The following GALNT7 variants were observed in gnomAD, a reference collection of about 807,000 sequenced individuals.
GALNT7 encodes polypeptide N-acetylgalactosaminyltransferase 7, also known as N-acetylgalactosaminyltransferase 7.
A neutral mutation model predicts 82.1 loss-of-function variants in GALNT7; 60 were observed. The ratio of observed to expected loss-of-function variants is 0.73; its 90% CI spans 0.59 to 0.91. The LOEUF (loss-of-function observed/expected upper bound fraction) is 0.91, where lower values mean the gene tolerates loss of function less well. Ranked by LOEUF, GALNT7 falls within the 40% of genes least tolerant of loss-of-function variation. The pLI is 0.00. For synonymous variants in GALNT7, 243 were observed against 275.1 expected (o/e 0.88, Z 1.15); for missense variants, 660 against 804.2 (o/e 0.82, Z 2.17).
chr4:173,239,346 T>A (rs1419325309), intron 1 of GALNT7, among the ~76,000 whole-genome samples: 1 of 152,174 alleles, frequency 6.6e-6, no homozygotes, highest in African/African-American at 2.4e-5. Flanking sequence ...CACAGCTGGA[T>A]GTTCTCCATT....
At chr4:173,319,964 A>AGC (rs1365127461) in intron 11 of GALNT7, among the ~76,000 whole-genome samples, 3 of 152,192 alleles carry the variant, frequency 2.0e-5, no homozygotes, top group African/African-American at 7.2e-5. Context: ...AGCCTGGATG[A>AGC]GCAAAGATGT....
intron 1 of GALNT7, among the ~76,000 whole-genome samples, chr4:173,216,109 C>A (rs1733445430): frequency 6.6e-6 from 1 of 152,188 alleles, no homozygotes; most frequent in East Asian, 1.9e-4. Context: ...CAGAGCAAGA[C>A]TCTGTCTAAA....
intron 2 of GALNT7, among the ~76,000 whole-genome samples, chr4:173,269,226 G>C (rs1232824152): frequency 6.6e-6 from 1 of 152,160 alleles, no homozygotes; most frequent in Non-Finnish European, 1.5e-5. Flanking sequence ...ATGGCTTTTA[G>C]AAATGTGAAG....
chr4:173,273,839 T>C (rs945343653), intron 2 of GALNT7, among the ~76,000 whole-genome samples: 2 of 152,228 alleles, frequency 1.3e-5, no homozygotes, highest in African/African-American at 4.8e-5. Context: ...CTCAAAGTCC[T>C]TGTGGAATAA....
intron 1 of GALNT7, among the ~76,000 whole-genome samples, chr4:173,177,656 A>C (rs544712505): frequency 6.6e-6 from 1 of 152,228 alleles, no homozygotes; most frequent in East Asian, 1.9e-4. Flanking sequence ...GGACAGGGCC[A>C]TCAACAAATT....
chr4:173,189,809 A>G (rs1160408235), intron 1 of GALNT7, among the ~76,000 whole-genome samples: 1 of 152,204 alleles, frequency 6.6e-6, no homozygotes, highest in Non-Finnish European at 1.5e-5. Context: ...TTTGAATGGT[A>G]CCTGCTGGGA....
chr4:173,221,498 G>T (rs17059216), intron 1 of GALNT7, among the ~76,000 whole-genome samples: 2,597 of 152,278 alleles, frequency 0.017, 35 homozygotes, highest in South Asian at 0.043. Context: ...TAATTCTTTG[G>T]TGAGAGACTA....
At chr4:173,259,362 T>G (rs951099980) in intron 2 of GALNT7, among the ~76,000 whole-genome samples, 1 of 152,076 alleles carries the variant, frequency 6.6e-6, no homozygotes, top group Non-Finnish European at 1.5e-5. Context: ...CTGAATATTG[T>G]TGGTGGTAGT....
chr4:173,211,718 T>C (rs1733291094), intron 1 of GALNT7, among the ~76,000 whole-genome samples: 1 of 152,258 alleles, frequency 6.6e-6, no homozygotes, highest in African/African-American at 2.4e-5. Flanking sequence ...AGTTTCATTG[T>C]GATGGGCATG....
At chr4:173,198,208 C>T (rs548700368) in intron 1 of GALNT7, among the ~76,000 whole-genome samples, 9 of 150,190 alleles carry the variant, frequency 6.0e-5, no homozygotes, top group Admixed American at 3.3e-4. Flanking sequence ...TACAGGTGCC[C>T]GCCACCATGC....
At chr4:173,210,003 C>T (rs1376020586) in intron 1 of GALNT7, among the ~76,000 whole-genome samples, 2 of 151,886 alleles carry the variant, frequency 1.3e-5, no homozygotes, top group Non-Finnish European at 2.9e-5. Context: ...GGTAGAGGTG[C>T]GTGCCTATAC....
At chr4:173,205,974 G>C (rs1733081236) in intron 1 of GALNT7, among the ~76,000 whole-genome samples, 1 of 152,078 alleles carries the variant, frequency 6.6e-6, no homozygotes, top group Non-Finnish European at 1.5e-5. Flanking sequence ...GATCCTGCCT[G>C]GTGCTGGGAA....
chr4:173,257,109 G>C (rs1735067656), intron 2 of GALNT7, among the ~76,000 whole-genome samples: 1 of 152,176 alleles, frequency 6.6e-6, no homozygotes, highest in Non-Finnish European at 1.5e-5. Flanking sequence ...CTGCGTTGGA[G>C]AGAAGGCAAT....
chr4:173,277,616 G>A (rs559030790), intron 2 of GALNT7, among the ~76,000 whole-genome samples: 1 of 152,270 alleles, frequency 6.6e-6, no homozygotes, highest in East Asian at 1.9e-4. Context: ...GGGGACCTCA[G>A]TAGGGCCAAG....
intron 1 of GALNT7, among the ~76,000 whole-genome samples, chr4:173,214,020 A>G (rs910092880): frequency 1.3e-5 from 2 of 152,126 alleles, no homozygotes; most frequent in African/African-American, 2.4e-5. Context: ...CTTTACCAAC[A>G]TACATTTCAC....
intron 1 of GALNT7, among the ~76,000 whole-genome samples, chr4:173,172,361 T>C (rs1329538700): frequency 2.0e-5 from 3 of 152,172 alleles, no homozygotes; most frequent in Non-Finnish European, 4.4e-5. Flanking sequence ...ATTTGAGCCT[T>C]CCTAGAGGAA....
intron 1 of GALNT7, among the ~76,000 whole-genome samples, chr4:173,178,058 C>CGT (rs1554019742): frequency 7.8e-6 from 1 of 128,762 alleles, no homozygotes; most frequent in Non-Finnish European, 1.6e-5. Context: ...TGTGTGCGCG[C>CGT]ACGCGCGTGC....
rs752233806 is a variant in GALNT7 at position 173,298,010 on chromosome 4, A to G, written c.966-105A>G. 5 of 1,531,930 alleles carry G rather than the reference A, an allele frequency of 3.3e-6. No homozygotes were observed. The East Asian group carries it at 1.2e-4, about 36-fold the overall frequency. The allele number at this position is 1,531,930 out of a possible 1,614,324, so 94.9% of individuals were successfully genotyped here. A position where few individuals can be genotyped will look rare whatever the true frequency, so the allele number is the denominator to read the frequency against. ...CTATTACTTTATTTTCTTATGTTGA[A>G]TGTTTATCTAAGTTCTTTTTTTTTT... On this transcript the variant is annotated intron_variant, in intron 5 of 11. Transcript: ENST00000265000.
At chr4:173,231,071 T>C (rs1242091592) in intron 1 of GALNT7, among the ~76,000 whole-genome samples, 1 of 152,256 alleles carries the variant, frequency 6.6e-6, no homozygotes, top group Non-Finnish European at 1.5e-5. Flanking sequence ...AACAGTCTGC[T>C]TAACATAGGT....
Sources: allele counts gnomAD v4.1 joint callset (sites outside exome capture counted in the v4.1 genomes callset), GRCh38; gene constraint gnomAD v4.1.1; transcripts MANE v1.5; gene names NCBI Gene and HGNC (gene_info 2026-07-23, HGNC 2026-07-21).